The following SGCD variants were observed in gnomAD, a reference collection of about 807,000 sequenced individuals.
SGCD encodes delta-sarcoglycan.
In SGCD, 18 loss-of-function variants were observed where a neutral mutation model predicts 36.6. The observed-to-expected ratio is 0.49, with a 90% CI of 0.34 to 0.73. The LOEUF is 0.73. Among genes scored for constraint, SGCD ranks in the 30% least tolerant of loss-of-function variants. SGCD has a pLI of 0.01. For synonymous variants in SGCD, 133 were observed against 130.6 expected (o/e 1.02, Z -0.12); for missense variants, 387 against 346.7 (o/e 1.12, Z -0.92).
At chr5:156,531,638 A>G (rs895189685) in intron 4 of SGCD, among the ~76,000 whole-genome samples, 1 of 152,208 alleles carries the variant, frequency 6.6e-6, no homozygotes, top group African/African-American at 2.4e-5. Context: ...GACAGTTTTT[A>G]AAATTGGCCC....
chr5:156,023,383 T>C (rs935293613), intron 1 of SGCD, among the ~76,000 whole-genome samples: 3 of 152,224 alleles, frequency 2.0e-5, no homozygotes, highest in Non-Finnish European at 4.4e-5. Context: ...CAGTCAAGTA[T>C]TGGAGTGAGA....
At chr5:155,951,806 A>G (rs1168083281) in intron 1 of SGCD, among the ~76,000 whole-genome samples, 1 of 152,112 alleles carries the variant, frequency 6.6e-6, no homozygotes, top group Non-Finnish European at 1.5e-5. Context: ...TATAGCATGG[A>G]TTGGGATCCT....
chr5:156,158,594 A>G lies in SGCD; in HGVS notation c.-44+34575A>G, dbSNP rs147128070. 1.1e-3 allele frequency among the ~76,000 whole-genome samples: 164 copies of G among 151,564 alleles called. 5 individuals carry two copies. Among genetic ancestry groups the G allele is most frequent in the Middle Eastern group, 6.8e-3 (2 of 294 alleles). The stretch of plus-strand genomic sequence containing the variant: ...TCATGTTCCACATTGGCCACACCCA[A>G]CCAGGGATGTTGAGGACCAGAGAGC... On this transcript the variant is annotated intron_variant, in intron 3 of 9. Transcript: ENST00000517913.
chr5:156,650,697 A>T (rs1405118998), intron 7 of SGCD, among the ~76,000 whole-genome samples: 1 of 152,152 alleles, frequency 6.6e-6, no homozygotes, highest in Non-Finnish European at 1.5e-5. Context: ...GTAGTGTTCT[A>T]TGGTATATAT....
At chr5:156,410,812 C>T (rs1772702372) in intron 3 of SGCD, among the ~76,000 whole-genome samples, 1 of 152,068 alleles carries the variant, frequency 6.6e-6, no homozygotes, top group South Asian at 2.1e-4. Context: ...TGAAAGGGGC[C>T]TCATTTTTCT....
rs1581131785 is a variant in SGCD, at chr5:156,535,784, T to C, written c.294+27082T>C. Among the ~76,000 whole-genome samples, 3 of 152,162 alleles carry C rather than the reference T, an allele frequency of 2.0e-5. No individual in the cohort carries two copies. The East Asian group carries it at 5.8e-4, about 29-fold the overall frequency. ...CAGTCTAAAACATTCTAGTAAATATTCCAAAATGTTATTGCCTGTCCTGTC... is the reference window on the plus strand; with the variant it reads ...CAGTCTAAAACATTCTAGTAAATATCCCAAAATGTTATTGCCTGTCCTGTC... On this transcript the variant is annotated intron_variant, in intron 4 of 8. Coordinates refer to ENST00000337851, the MANE Select transcript of SGCD (RefSeq NM_000337.6).
chr5:155,838,448 A>G, the SGCD span, among the ~76,000 whole-genome samples: 2 of 152,176 alleles, frequency 1.3e-5, no homozygotes, highest in South Asian at 2.1e-4. Flanking sequence ...CTTACATTCT[A>G]TATTTTGCTG....
At chr5:156,647,421 C>A (rs773886933) in intron 6 of SGCD, 43 bp from the exon 7 acceptor site, 12 of 1,398,788 alleles carry the variant, frequency 8.6e-6, no homozygotes, top group East Asian at 7.3e-5. Context: ...ACAGGTGACT[C>A]CAGTATCTCC....
At chr5:155,867,606 G>A (rs1203246055), upstream of SGCD, among the ~76,000 whole-genome samples, 1 of 152,182 alleles carries the variant, frequency 6.6e-6, no homozygotes, top group Non-Finnish European at 1.5e-5. Flanking sequence ...CTGCTGTTAG[G>A]ATGGAATGAA....
intron 2 of SGCD, among the ~76,000 whole-genome samples, chr5:156,123,603 T>C (rs963748401): frequency 6.6e-6 from 1 of 152,148 alleles, no homozygotes. Context: ...TCCCTGTAAG[T>C]TAAATGAGCA....
In SGCD at chr5:156,511,535, A is replaced by G. The variant is rs557419717; in HGVS notation, c.294+2833A>G. Reference sequence around the variant, plus strand: ...TGGAATACAATCTAAAGTCCTCACTAAGTCCTGTAAAATGCATTATTAGGT... The same window carrying G: ...TGGAATACAATCTAAAGTCCTCACTGAGTCCTGTAAAATGCATTATTAGGT... On this transcript the variant is annotated intron_variant, in intron 4 of 8. Coordinates refer to ENST00000337851, the MANE Select transcript of SGCD (RefSeq NM_000337.6). Among the ~76,000 whole-genome samples the G allele has an allele frequency of 2.0e-5, 3 of 152,306 alleles. No homozygotes were observed. In the South Asian group the frequency reaches 6.2e-4, roughly 32 times the overall value.
intron 3 of SGCD, among the ~76,000 whole-genome samples, chr5:156,263,494 G>T (rs1038642587): frequency 2.0e-5 from 3 of 151,888 alleles, no homozygotes; most frequent in African/African-American, 4.8e-5. Flanking sequence ...CTGAATATTT[G>T]TCTGTTGTCG....
chr5:156,105,626 C>T (rs1016658549), intron 1 of SGCD, among the ~76,000 whole-genome samples: 1 of 152,124 alleles, frequency 6.6e-6, no homozygotes, highest in Non-Finnish European at 1.5e-5. Flanking sequence ...TGGTCAGCTT[C>T]ATTACAAAAA....
chr5:155,816,260 C>A, the SGCD span, among the ~76,000 whole-genome samples: 1 of 152,054 alleles, frequency 6.6e-6, no homozygotes, highest in Non-Finnish European at 1.5e-5. Flanking sequence ...ACTTTTGACT[C>A]CCCCAAAACT....
In SGCD at chr5:156,067,913, G is replaced by T. The variant is rs1240393605; in HGVS notation, c.-281-49965G>T. ...AATCACCGTCTTCTGCGTCGCTCAC[G>T]CTGGGAGCTGTAGACCGGAGCTGTT... On this transcript the variant is annotated intron_variant, in intron 1 of 9. Transcript: ENST00000517913. Among the ~76,000 whole-genome samples, 4 of 128,534 alleles carry T rather than the reference G, an allele frequency of 3.1e-5. 1 individual carries two copies. The highest frequency in any genetic ancestry group is 1.9e-4 in the African/African-American group (4 of 21,356). The allele number at this position is 128,534 out of a possible 152,430, so 84.3% of individuals were successfully genotyped here.
intron 7 of SGCD, among the ~76,000 whole-genome samples, chr5:156,755,375 A>T (rs2113164522): frequency 6.6e-6 from 1 of 152,344 alleles, no homozygotes; most frequent in South Asian, 2.1e-4. Context: ...ATTAGTGGAA[A>T]CAGAAGCAGT....
chr5:156,435,293 C>T (rs1380534259), intron 3 of SGCD, among the ~76,000 whole-genome samples: 1 of 152,154 alleles, frequency 6.6e-6, no homozygotes, highest in Non-Finnish European at 1.5e-5. Context: ...CAAAGATTCC[C>T]TGTGTAGTTA....
chr5:155,741,454 T>G, the SGCD span, among the ~76,000 whole-genome samples: 1 of 152,168 alleles, frequency 6.6e-6, no homozygotes, highest in South Asian at 2.1e-4. Flanking sequence ...CTTCTTTTTC[T>G]TTCAGGGCCT....
intron 4 of SGCD, among the ~76,000 whole-genome samples, chr5:156,514,274 G>T (rs1370675630): frequency 1.3e-5 from 2 of 152,164 alleles, no homozygotes; most frequent in Non-Finnish European, 2.9e-5. Flanking sequence ...TTATGCTTTT[G>T]CATAACTTAA....
Sources: allele counts gnomAD v4.1 joint callset (sites outside exome capture counted in the v4.1 genomes callset), GRCh38; gene constraint gnomAD v4.1.1; transcripts MANE v1.5; gene names NCBI Gene and HGNC (gene_info 2026-07-23, HGNC 2026-07-21).